GALNT13: variants seen among roughly 807,000 people sequenced by gnomAD.
GALNT13 encodes the protein polypeptide N-acetylgalactosaminyltransferase 13.
In GALNT13, 28 loss-of-function variants were observed where a neutral mutation model predicts 64.2. The ratio of observed to expected loss-of-function variants is 0.44; its 90% CI spans 0.32 to 0.60. GALNT13 has a LOEUF of 0.60. GALNT13 is among the 20% of genes least tolerant of loss of function. The pLI is 0.05. For missense variants in GALNT13, 577 were observed against 669.8 expected (o/e 0.86, Z 1.53); for synonymous variants, 214 against 224.6 (o/e 0.95, Z 0.42).
the GALNT13 span, among the ~76,000 whole-genome samples, chr2:153,313,917 C>A: frequency 3.3e-5 from 5 of 151,958 alleles, no homozygotes; most frequent in Non-Finnish European, 7.4e-5. Context: ...TAAAAAATTT[C>A]TTTAAGGGTT....
At chr2:153,413,032 C>T in the GALNT13 span, among the ~76,000 whole-genome samples, 5 of 152,178 alleles carry the variant, frequency 3.3e-5, no homozygotes, top group East Asian at 9.7e-4. Context: ...AAACCTAGGG[C>T]TAGCAGCATC....
At chr2:154,234,971 C>T (rs1056759130) in intron 4 of GALNT13, among the ~76,000 whole-genome samples, 1 of 152,014 alleles carries the variant, frequency 6.6e-6, no homozygotes, top group African/African-American at 2.4e-5. Context: ...GGAAGGGGGC[C>T]GTATATTCTA....
chr2:153,350,799 T>C, the GALNT13 span, among the ~76,000 whole-genome samples: 4 of 152,282 alleles, frequency 2.6e-5, no homozygotes, highest in Admixed American at 2.0e-4. Context: ...ATAGGGTTGA[T>C]GTTAATGATG....
chr2:154,301,269 T>G, intron 8 of GALNT13, 140 bp from the exon 9 acceptor site: 4 of 655,134 alleles, frequency 6.1e-6, no homozygotes, highest in Non-Finnish European at 1.0e-5. Flanking sequence ...TTGCCAAAAG[T>G]AAGTATAGTG....
At chr2:153,473,957 T>A in the GALNT13 span, among the ~76,000 whole-genome samples, 4 of 152,206 alleles carry the variant, frequency 2.6e-5, no homozygotes, top group Non-Finnish European at 4.4e-5. Flanking sequence ...CATGGCTTTG[T>A]CCTTTGAGAA....
At chr2:153,591,778 A>G in the GALNT13 span, among the ~76,000 whole-genome samples, 1 of 152,078 alleles carries the variant, frequency 6.6e-6, no homozygotes, top group African/African-American at 2.4e-5. Context: ...CAAAAAATTT[A>G]TGATGAAGAT....
At chr2:153,605,728 T>G in the GALNT13 span, among the ~76,000 whole-genome samples, 1 of 152,108 alleles carries the variant, frequency 6.6e-6, no homozygotes, top group Non-Finnish European at 1.5e-5. Flanking sequence ...TTTCCACACA[T>G]GTAAGCAAAA....
the GALNT13 span, among the ~76,000 whole-genome samples, chr2:153,090,306 A>C: frequency 2.0e-5 from 3 of 152,158 alleles, no homozygotes; most frequent in Non-Finnish European, 4.4e-5. Flanking sequence ...ATTTGTCTTC[A>C]AGTCTCCCCA....
chr2:154,071,765 C>T (rs888992048), intron 3 of GALNT13, among the ~76,000 whole-genome samples: 3 of 151,982 alleles, frequency 2.0e-5, no homozygotes, highest in African/African-American at 7.2e-5. Context: ...ATGTTATAAA[C>T]GAGTGTCCTT....
At chr2:154,277,174 A>C (rs1237521710) in intron 8 of GALNT13, among the ~76,000 whole-genome samples, 1 of 152,202 alleles carries the variant, frequency 6.6e-6, no homozygotes, top group African/African-American at 2.4e-5. Context: ...TATAAAACTA[A>C]GATTTAAATG....
intron 8 of GALNT13, among the ~76,000 whole-genome samples, chr2:154,274,801 T>G (rs1691549765): frequency 6.6e-6 from 1 of 152,140 alleles, no homozygotes; most frequent in Admixed American, 6.6e-5. Context: ...TAGAAGTGAC[T>G]TTGGAACTGG....
chr2:154,025,833 G>A (rs1211468866), intron 3 of GALNT13, among the ~76,000 whole-genome samples: 3 of 152,132 alleles, frequency 2.0e-5, no homozygotes, highest in Non-Finnish European at 4.4e-5. Flanking sequence ...AAGGGGGTAA[G>A]CAACTACTTC....
At chr2:154,018,588 G>A (rs761505178) in intron 3 of GALNT13, among the ~76,000 whole-genome samples, 23 of 151,976 alleles carry the variant, frequency 1.5e-4, no homozygotes, top group African/African-American at 4.8e-4. Flanking sequence ...GATGCAAAAG[G>A]TGAGGGGATA....
the GALNT13 span, among the ~76,000 whole-genome samples, chr2:153,280,997 CT>C: frequency 6.6e-6 from 1 of 152,134 alleles, no homozygotes; most frequent in African/African-American, 2.4e-5. Flanking sequence ...GTGGCTAAGT[CT>C]TTTCATAGGA....
chr2:154,123,685 C>A (rs1307109269), intron 3 of GALNT13, among the ~76,000 whole-genome samples: 1 of 151,844 alleles, frequency 6.6e-6, no homozygotes, highest in South Asian at 2.1e-4. Flanking sequence ...AAATGTACTA[C>A]CATTTAATCC....
chr2:153,588,579 T>A, the GALNT13 span, among the ~76,000 whole-genome samples: 1 of 152,046 alleles, frequency 6.6e-6, no homozygotes, highest in African/African-American at 2.4e-5. Flanking sequence ...GCACCCTGAG[T>A]CTGGCCCACA....
the GALNT13 span, among the ~76,000 whole-genome samples, chr2:153,650,348 C>T: frequency 6.6e-5 from 10 of 152,190 alleles, no homozygotes; most frequent in Admixed American, 6.5e-4. Flanking sequence ...TATTTTGAGC[C>T]TATGTGTGTC....
chr2:153,497,104 ACT>A, the GALNT13 span, among the ~76,000 whole-genome samples: 6 of 152,026 alleles, frequency 3.9e-5, no homozygotes, highest in South Asian at 6.2e-4. Context: ...AATAGCGGAC[ACT>A]CTGAGAAATT....
the GALNT13 span, among the ~76,000 whole-genome samples, chr2:153,725,478 GTAA>G: frequency 6.8e-6 from 1 of 148,104 alleles, no homozygotes; most frequent in Non-Finnish European, 1.5e-5. Context: ...AATAATAATA[GTAA>G]TAATAAAAAA....
Sources: gnomAD v4.1 joint callset for allele counts (sites outside exome capture counted in the v4.1 genomes callset) on GRCh38, gnomAD v4.1.1 for gene constraint, MANE v1.5 for transcripts, NCBI Gene and HGNC (gene_info 2026-07-23, HGNC 2026-07-21) for gene names.